The following MCTP1 variants were observed in gnomAD, a reference collection of about 807,000 sequenced individuals.
MCTP1 encodes the protein multiple C2 and transmembrane domain containing 1.
MCTP1 carries 69 observed loss-of-function variants against 120.6 expected under a neutral mutation model. That is an observed-to-expected ratio of 0.57 (90% CI 0.47 to 0.70). MCTP1 has a LOEUF of 0.70. Among genes scored for constraint, MCTP1 ranks in the 30% least tolerant of loss-of-function variants. The pLI, the probability that MCTP1 is intolerant of heterozygous loss-of-function variation, is 0.00. For synonymous variants in MCTP1, 529 were observed against 493.1 expected (o/e 1.07, Z -0.96); for missense variants, 1,203 against 1,248.8 (o/e 0.96, Z 0.55).
intron 1 of MCTP1, among the ~76,000 whole-genome samples, chr5:95,121,057 T>A (rs1021555135): frequency 7.9e-5 from 12 of 151,836 alleles, no homozygotes; most frequent in Non-Finnish European, 1.3e-4. Context: ...GGTGGGCGGA[T>A]CACGAAGTCA....
intron 1 of MCTP1, among the ~76,000 whole-genome samples, chr5:95,059,716 G>T (rs1403382610): frequency 6.6e-6 from 1 of 152,004 alleles, no homozygotes; most frequent in Non-Finnish European, 1.5e-5. Context: ...AAGAGGAGAA[G>T]AGTAGAGAGG....
chr5:94,806,681 T>C (rs1346361571), intron 17 of MCTP1, among the ~76,000 whole-genome samples: 3 of 152,256 alleles, frequency 2.0e-5, no homozygotes, highest in African/African-American at 7.2e-5. Flanking sequence ...TCCTATTCTT[T>C]TGCAAACTAC....
chr5:94,825,641 G>A (rs1176404438), intron 17 of MCTP1, among the ~76,000 whole-genome samples: 1 of 152,074 alleles, frequency 6.6e-6, no homozygotes, highest in Non-Finnish European at 1.5e-5. Flanking sequence ...ACAGTGGGGT[G>A]TTAAAGTCTT....
intron 1 of MCTP1, among the ~76,000 whole-genome samples, chr5:95,140,741 G>A (rs1226541608): frequency 2.0e-5 from 3 of 146,516 alleles, no homozygotes; most frequent in Non-Finnish European, 3.0e-5. Flanking sequence ...TTAGCCGGGT[G>A]TGGTGGTGGG....
chr5:94,751,161 G>A (rs1024199909), intron 19 of MCTP1, among the ~76,000 whole-genome samples: 1 of 152,122 alleles, frequency 6.6e-6, no homozygotes, highest in Non-Finnish European at 1.5e-5. Context: ...TTTCCTGACA[G>A]AGTGATAAGT....
chr5:95,163,128 A>G (rs1355665023), intron 1 of MCTP1, among the ~76,000 whole-genome samples: 1 of 152,114 alleles, frequency 6.6e-6, no homozygotes, highest in African/African-American at 2.4e-5. Flanking sequence ...TACCCAAACT[A>G]TCTTACCTTG....
intron 1 of MCTP1, among the ~76,000 whole-genome samples, chr5:95,237,488 A>G (rs902975742): frequency 1.3e-5 from 2 of 152,156 alleles, no homozygotes; most frequent in Non-Finnish European, 2.9e-5. Context: ...CACGACTGAG[A>G]TAGGAAGCCC....
intron 1 of MCTP1, among the ~76,000 whole-genome samples, chr5:95,210,312 T>G (rs1214242455): frequency 2.6e-5 from 4 of 151,644 alleles, no homozygotes; most frequent in Non-Finnish European, 4.4e-5. Flanking sequence ...GGAGTCTAAG[T>G]CTCTTTGTAG....
intron 1 of MCTP1, among the ~76,000 whole-genome samples, chr5:95,037,669 C>T (rs987009988): frequency 1.3e-5 from 2 of 152,070 alleles, no homozygotes; most frequent in Non-Finnish European, 2.9e-5. Flanking sequence ...AGTTTGAGAT[C>T]GGCCTGGCAA....
chr5:94,818,627 C>G (rs1316296894), intron 17 of MCTP1, among the ~76,000 whole-genome samples: 1 of 152,156 alleles, frequency 6.6e-6, no homozygotes. Context: ...ATGGCTCTAC[C>G]CTTTCTCTTC....
chr5:95,126,558 C>A (rs757771003), intron 1 of MCTP1, among the ~76,000 whole-genome samples: 1 of 152,274 alleles, frequency 6.6e-6, no homozygotes, highest in Middle Eastern at 3.4e-3. Flanking sequence ...ATAAACACCC[C>A]CTGTGTGCAC....
At chr5:94,782,374 A>G (rs778363156) in intron 18 of MCTP1, among the ~76,000 whole-genome samples, 2 of 152,136 alleles carry the variant, frequency 1.3e-5, no homozygotes, top group Non-Finnish European at 2.9e-5. Flanking sequence ...AAGATTCCAA[A>G]TTAAAATGAT....
At chr5:94,976,987 G>A (rs918656594) in intron 2 of MCTP1, among the ~76,000 whole-genome samples, 18 of 152,034 alleles carry the variant, frequency 1.2e-4, no homozygotes, top group African/African-American at 3.9e-4. Flanking sequence ...AATTGGACAA[G>A]AAAAGGAAAT....
At chr5:94,881,127 C>T (rs1374239403) in intron 12 of MCTP1, among the ~76,000 whole-genome samples, 1 of 152,102 alleles carries the variant, frequency 6.6e-6, no homozygotes, top group Non-Finnish European at 1.5e-5. Flanking sequence ...ATCAGATGTT[C>T]TTGCCTAAGA....
chr5:95,010,939 A>G (rs1450903893), intron 2 of MCTP1, among the ~76,000 whole-genome samples: 1 of 152,146 alleles, frequency 6.6e-6, no homozygotes, highest in African/African-American at 2.4e-5. Context: ...ATATGTTGCC[A>G]GAGTTTGCCT....
At chr5:95,195,513 T>C (rs1447740932) in intron 1 of MCTP1, among the ~76,000 whole-genome samples, 1 of 152,114 alleles carries the variant, frequency 6.6e-6, no homozygotes, top group Non-Finnish European at 1.5e-5. Flanking sequence ...GCAGCCCGTA[T>C]TTTTCAAGAG....
chr5:95,239,742 G>A (rs558601994), intron 1 of MCTP1, among the ~76,000 whole-genome samples: 1 of 152,150 alleles, frequency 6.6e-6, no homozygotes, highest in Admixed American at 6.6e-5. Flanking sequence ...TGAGAGGGTG[G>A]AAAGAGGTGA....
intron 17 of MCTP1, among the ~76,000 whole-genome samples, chr5:94,813,424 A>T (rs1435267032): frequency 9.9e-5 from 15 of 152,202 alleles, no homozygotes; most frequent in African/African-American, 3.4e-4. Context: ...TAAAAATGTA[A>T]ACATACATTT....
chr5:94,790,073 TTG>T (rs1234570058), intron 18 of MCTP1, among the ~76,000 whole-genome samples: 1 of 152,068 alleles, frequency 6.6e-6, no homozygotes, highest in Non-Finnish European at 1.5e-5. Flanking sequence ...ACTGAGAGTG[TTG>T]TGATTTTTAT....
Sources: gnomAD v4.1 joint callset for allele counts (sites outside exome capture counted in the v4.1 genomes callset) on GRCh38, gnomAD v4.1.1 for gene constraint, MANE v1.5 for transcripts, NCBI Gene and HGNC (gene_info 2026-07-23, HGNC 2026-07-21) for gene names.